Variants in UNC93A observed in about 807,000 individuals in gnomAD.
The protein encoded by UNC93A is unc-93 homolog A, also known as N-acetylglucosamine transporter UNC93A.
Under a neutral mutation model 47.5 loss-of-function variants are expected in UNC93A, and 43 were observed. The observed-to-expected ratio is 0.91, with a 90% CI of 0.71 to 1.17. The LOEUF (loss-of-function observed/expected upper bound fraction) is 1.17, where lower values mean the gene tolerates loss of function less well. UNC93A is among the 50% of genes most tolerant of loss of function. UNC93A has a pLI of 0.00. For missense variants in UNC93A, 605 were observed against 577.6 expected (o/e 1.05, Z -0.49); for synonymous variants, 280 against 258.0 (o/e 1.09, Z -0.82).
upstream of UNC93A, among the ~76,000 whole-genome samples, chr6:167,288,980 A>G (rs921565689): frequency 8.5e-5 from 13 of 152,300 alleles, no homozygotes; most frequent in African/African-American, 2.2e-4. Flanking sequence ...TCAAGCTGAT[A>G]GAGCCCAGAT....
chr6:167,285,475 G>A (rs571880200), intron 1 of UNC93A, among the ~76,000 whole-genome samples: 22 of 151,836 alleles, frequency 1.4e-4, no homozygotes, highest in Non-Finnish European at 2.5e-4. Flanking sequence ...GTGATGAGCC[G>A]GGACTCACAC....
chr6:167,281,986 A>G (rs1233573593), intron 1 of UNC93A, among the ~76,000 whole-genome samples: 1 of 152,188 alleles, frequency 6.6e-6, no homozygotes, highest in African/African-American at 2.4e-5. Flanking sequence ...GTAGACTGAG[A>G]CTTTATGGTC....
At chr6:167,273,955 T>G (rs991990164) in intron 1 of UNC93A, among the ~76,000 whole-genome samples, 5 of 152,096 alleles carry the variant, frequency 3.3e-5, no homozygotes, top group Non-Finnish European at 2.9e-5. Context: ...AGACTTAAAA[T>G]GTGCCAGAAA....
In UNC93A at chr6:167,294,642, C is replaced by T; in HGVS notation, c.213C>T (p.Ile71=). The stretch of plus-strand genomic sequence containing the variant: ...AGAGGCTGGGCTGCAAGGGGACCAT[C>T]ATCCTCTCCATGTGTGGCTACGTGG... The part of the protein sequence containing the change: ...LIERLGCKGT[I]ILSMCGYVAF... Residue 71 remains isoleucine (I), a synonymous_variant, in exon 2 of 8, where the codon ATC becomes ATT. Coordinates refer to ENST00000230256, the MANE Select transcript of UNC93A (RefSeq NM_018974.4). 1 of 1,613,358 alleles carries T rather than the reference C, an allele frequency of 6.2e-7. No individual in the cohort carries two copies. The highest frequency in any genetic ancestry group is 8.5e-7 in the Non-Finnish European group (1 of 1,179,434).
intron 6 of UNC93A, among the ~76,000 whole-genome samples, chr6:167,307,186 A>G (rs1778421922): frequency 1.3e-5 from 2 of 152,212 alleles, no homozygotes; most frequent in African/African-American, 4.8e-5. Flanking sequence ...CCTCAGGCCC[A>G]GACAGGGTGA....
At chr6:167,301,445 A>G (rs1409405115) in intron 4 of UNC93A, among the ~76,000 whole-genome samples, 1 of 152,204 alleles carries the variant, frequency 6.6e-6, no homozygotes, top group Non-Finnish European at 1.5e-5. Context: ...GGAAGAGAGA[A>G]AAATGGACCT....
upstream of UNC93A, among the ~76,000 whole-genome samples, chr6:167,287,819 TG>T (rs1432623983): frequency 6.6e-6 from 1 of 151,792 alleles, no homozygotes; most frequent in African/African-American, 2.4e-5. Flanking sequence ...ACTATGAGAG[TG>T]GAACAGGCCA....
Position 167,315,382 on chromosome 6 carries a change from A to G in UNC93A, c.1304A>G (p.Asn435Ser). 1.2e-6 allele frequency: 2 copies of G among 1,613,898 alleles called. No homozygotes were observed. Among genetic ancestry groups the G allele is most frequent in the Non-Finnish European group, 1.7e-6 (2 of 1,179,868 alleles). ...CTTGTGGAGTGCGTGGAGTCCAAGAACCCGATCAGACCCCACGCTCCAGGA... is the reference window on the plus strand; with the variant it reads ...CTTGTGGAGTGCGTGGAGTCCAAGAGCCCGATCAGACCCCACGCTCCAGGA... Reference protein sequence around the residue: ...YGLVECVESKNPIRPHAPGQV... With the variant: ...YGLVECVESKSPIRPHAPGQV... Residue 435 changes from asparagine to serine, a missense_variant, in exon 8 of 8, where the codon AAC becomes AGC. Physicochemically the swap from Asn to Ser is conservative, Grantham distance 46. Coordinates refer to ENST00000230256, the MANE Select transcript of UNC93A (RefSeq NM_018974.4).
In UNC93A at chr6:167,303,952, C is replaced by A; in HGVS notation, c.659C>A (p.Ala220Glu). The A allele has an allele frequency of 6.2e-7, 1 of 1,613,430 alleles. No individual in the cohort carries two copies. ...GTCCTGGCTGTCCTGATGATAGCTG[C>A]GTTCCTCCAACCCATACGAGATGTT... ...SGVLAVLMIA[A>E]FLQPIRDVQR... The change falls in exon 5 of 8, where the codon GCG becomes GAG. Residue 220 changes from alanine (A) to glutamate (E), a missense_variant. Coordinates refer to ENST00000230256, the MANE Select transcript of UNC93A (RefSeq NM_018974.4).
intron 1 of UNC93A, among the ~76,000 whole-genome samples, chr6:167,278,933 C>T (rs1023087391): frequency 1.3e-5 from 2 of 152,180 alleles, no homozygotes; most frequent in African/African-American, 2.4e-5. Flanking sequence ...CACAGCTTGC[C>T]GTGTGTTCTG....
upstream of UNC93A, among the ~76,000 whole-genome samples, chr6:167,288,537 G>T (rs980410680): frequency 6.6e-6 from 1 of 151,724 alleles, no homozygotes. Flanking sequence ...AAGTAGCCAA[G>T]AACTCATTCT....
intron 1 of UNC93A, among the ~76,000 whole-genome samples, chr6:167,282,903 T>G (rs1368934758): frequency 6.6e-6 from 1 of 152,140 alleles, no homozygotes; most frequent in Non-Finnish European, 1.5e-5. Context: ...ATTTTCTGAT[T>G]GGTAATCGGT....
At chr6:167,281,993 G>T (rs1730800303) in intron 1 of UNC93A, among the ~76,000 whole-genome samples, 1 of 152,174 alleles carries the variant, frequency 6.6e-6, no homozygotes, top group African/African-American at 2.4e-5. Context: ...GAGACTTTAT[G>T]GTCTTTCCTT....
At chr6:167,294,347 T>C (rs1777987289) in intron 1 of UNC93A, among the ~76,000 whole-genome samples, 170 bp from the exon 2 acceptor site, 1 of 152,154 alleles carries the variant, frequency 6.6e-6, no homozygotes. Flanking sequence ...CGAATTCACC[T>C]GCACTTTTCT....
upstream of UNC93A, among the ~76,000 whole-genome samples, chr6:167,290,883 G>C (rs1029362759): frequency 1.3e-5 from 2 of 152,186 alleles, no homozygotes; most frequent in African/African-American, 4.8e-5. Flanking sequence ...CTATACTCAT[G>C]TAAGTTGTTT....
rs764894645 is a variant in UNC93A at position 167,296,178 on chromosome 6, G to T, written c.416G>T (p.Gly139Val). 2 of 1,614,242 alleles carry T rather than the reference G, an allele frequency of 1.2e-6. No homozygotes were observed. The highest frequency in any genetic ancestry group is 1.7e-6 in the Non-Finnish European group (2 of 1,180,050). ...AAAGACATGGTGAACCAGTATTTTGGCATCTTCTTCCTCATATTCCAGTCA... is the reference window on the plus strand; with the variant it reads ...AAAGACATGGTGAACCAGTATTTTGTCATCTTCTTCCTCATATTCCAGTCA... ...RGKDMVNQYF[G>V]IFFLIFQSSG... Residue 139 changes from glycine (G) to valine (V), a missense_variant, in exon 3 of 8, where the codon GGC (glycine) becomes GTC (valine). Transcript: ENST00000230256.
At chr6:167,270,071 G>C, upstream of UNC93A, among the ~76,000 whole-genome samples, 1 of 137,306 alleles carries the variant, frequency 7.3e-6, no homozygotes, top group East Asian at 2.6e-4. Context: ...GGTGGGGGGG[G>C]GGCGTTCACA....
chr6:167,297,052 C>T (rs1778109356), intron 3 of UNC93A, among the ~76,000 whole-genome samples: 2 of 152,140 alleles, frequency 1.3e-5, no homozygotes, highest in East Asian at 1.9e-4. Flanking sequence ...GAAGGGAAGC[C>T]GTGAAGGTGA....
chr6:167,291,440 G>A lies in UNC93A; in HGVS notation c.-50G>A, dbSNP rs55835823. 32 of 1,558,272 alleles carry A rather than the reference G, an allele frequency of 2.1e-5. No individual in the cohort carries two copies. The highest frequency in any genetic ancestry group is 2.7e-5 in the Non-Finnish European group (31 of 1,136,878). On this transcript the variant is annotated 5_prime_UTR_variant, in exon 1 of 8. Transcript: ENST00000230256. ...CATGCCTCAATTGGTTTCTTTTAGG[G>A]AGCTACAAATTTACGTGTTCACTGG... is the stretch of plus-strand genomic sequence containing the variant.
Sources: gnomAD v4.1 joint callset for allele counts (sites outside exome capture counted in the v4.1 genomes callset) on GRCh38, gnomAD v4.1.1 for gene constraint, MANE v1.5 for transcripts, NCBI Gene and HGNC (gene_info 2026-07-23, HGNC 2026-07-21) for gene names.